Variants in ZNF83 observed in about 807,000 individuals in gnomAD.
ZNF83 encodes the protein zinc finger protein 83, also known as zinc finger protein 816B.
For synonymous variants in ZNF83, 209 were observed against 213.0 expected (o/e 0.98, Z 0.17); for missense variants, 552 against 629.9 (o/e 0.88, Z 1.32).
At chr19:52,682,601 G>A (rs1211835608) in intron 1 of ZNF83, among the ~76,000 whole-genome samples, 1 of 151,752 alleles carries the variant, frequency 6.6e-6, no homozygotes, top group East Asian at 1.9e-4. Flanking sequence ...CCAGGAGTCA[G>A]AGGTTGCACT....
At chr19:52,638,278 G>A (rs1055984117) in intron 1 of ZNF83, 34 bp downstream of exon 1, 3 of 151,160 alleles carry the variant, frequency 2.0e-5, no homozygotes, top group Non-Finnish European at 3.0e-5. Context: ...CGGGGACCTG[G>A]TAAGCGCAGA....
At chr19:52,631,779 C>G (rs57773164) in intron 2 of ZNF83, among the ~76,000 whole-genome samples, 4,254 of 150,880 alleles carry the variant, frequency 0.028, 71 homozygotes, top group African/African-American at 0.055. Context: ...CAGGCCTAAT[C>G]GCCACACACC....
chr19:52,623,307 C>A (rs1178452571), intron 2 of ZNF83, among the ~76,000 whole-genome samples: 1 of 152,114 alleles, frequency 6.6e-6, no homozygotes, highest in African/African-American at 2.4e-5. Context: ...GTAAGTCCAT[C>A]CCCTGTTTAA....
chr19:52,645,458 C>T (rs1349721252), intron 3 of ZNF83, among the ~76,000 whole-genome samples: 1 of 152,024 alleles, frequency 6.6e-6, no homozygotes, highest in African/African-American at 2.4e-5. Flanking sequence ...TTATAGGATG[C>T]AACAAAGGCA....
intron 1 of ZNF83, among the ~76,000 whole-genome samples, chr19:52,687,352 G>T (rs190503471): frequency 0.014 from 1,375 of 100,638 alleles, 152 homozygotes; most frequent in African/African-American, 0.064. Flanking sequence ...AATTTATATA[G>T]CTATATAAAT....
intron 1 of ZNF83, among the ~76,000 whole-genome samples, chr19:52,679,381 TG>T (rs1421118054): frequency 1.3e-5 from 2 of 151,998 alleles, no homozygotes; most frequent in Non-Finnish European, 2.9e-5. Flanking sequence ...GAAGCCAAGG[TG>T]GGTGGGTCAC....
intron 1 of ZNF83, among the ~76,000 whole-genome samples, chr19:52,672,188 C>G (rs1178918592): frequency 6.6e-6 from 1 of 152,100 alleles, no homozygotes; most frequent in Non-Finnish European, 1.5e-5. Flanking sequence ...GAGCAAAGAT[C>G]TCACCACAGC....
intron 1 of ZNF83, among the ~76,000 whole-genome samples, chr19:52,686,455 A>G (rs1748777357): frequency 1.5e-5 from 1 of 64,870 alleles, no homozygotes; most frequent in Admixed American, 1.2e-4. Flanking sequence ...CTGCAAAAAA[A>G]TTACATATAT....
At chr19:52,654,069 T>C in intron 3 of ZNF83, 2 of 1,595,570 alleles carry the variant, frequency 1.3e-6, no homozygotes, top group South Asian at 2.2e-5. Flanking sequence ...GATTATCAAT[T>C]TTCCCTTCAG....
intron 1 of ZNF83, among the ~76,000 whole-genome samples, chr19:52,673,148 G>A (rs1232609181): frequency 1.3e-5 from 2 of 152,162 alleles, no homozygotes; most frequent in Non-Finnish European, 2.9e-5. Flanking sequence ...AGCAGAGGTT[G>A]CAGTGAGTGG....
chr19:52,640,489 C>G (rs2061287272), upstream of ZNF83, among the ~76,000 whole-genome samples: 1 of 152,308 alleles, frequency 6.6e-6, no homozygotes, highest in Non-Finnish European at 1.5e-5. Context: ...GAGGTCTTAT[C>G]TCTGGGGCTG....
rs2060230968 is a variant in ZNF83, at chr19:52,614,332, G to T, written c.233C>A (p.Ser78Ter). Residue 78 changes from serine (S) to a stop codon, truncating the protein, a stop_gained, in exon 3 of 3, where the codon TCA becomes TAA. Coordinates refer to ENST00000301096, the Ensembl canonical transcript of ZNF83. LOFTEE classifies it low-confidence loss of function (END_TRUNC). ...TGCTTTCTCTTTTTGTGTGAATAAT[G>T]AATCCACAAAATTACATTCATATGT... is the stretch of plus-strand genomic sequence containing the variant. 6.2e-7 allele frequency: 1 copy of T among 1,613,106 alleles called. No homozygotes were observed. The highest frequency in any genetic ancestry group is 2.2e-5 in the East Asian group (1 of 44,852).
At chr19:52,677,319 A>G (rs1357543142) in intron 1 of ZNF83, among the ~76,000 whole-genome samples, 1 of 147,700 alleles carries the variant, frequency 6.8e-6, no homozygotes, top group Non-Finnish European at 1.5e-5. Flanking sequence ...AAAAAAAAAA[A>G]AAAAAAAAAA....
At chr19:52,690,200 AAC>A (rs1242809549) in intron 1 of ZNF83, among the ~76,000 whole-genome samples, 9 of 146,738 alleles carry the variant, frequency 6.1e-5, no homozygotes, top group African/African-American at 2.4e-4. Context: ...AAAAAAAAAC[AAC>A]AACAACTACG....
intron 1 of ZNF83, among the ~76,000 whole-genome samples, chr19:52,685,164 C>G (rs976514732): frequency 1.3e-5 from 2 of 152,216 alleles, no homozygotes; most frequent in Non-Finnish European, 2.9e-5. Flanking sequence ...CAGACACCCA[C>G]TCTATTTTGC....
At chr19:52,689,817 C>A (rs1278896100) in intron 1 of ZNF83, among the ~76,000 whole-genome samples, 1 of 152,142 alleles carries the variant, frequency 6.6e-6, no homozygotes, top group Non-Finnish European at 1.5e-5. Context: ...ACGCCTGCAT[C>A]CCGGAGGAGC....
At chr19:52,665,400 G>A (rs887133666) in intron 1 of ZNF83, among the ~76,000 whole-genome samples, 1 of 150,302 alleles carries the variant, frequency 6.7e-6, no homozygotes. Context: ...TCCCTCCTCC[G>A]TCTCAATAAG....
chr19:52,649,096 C>T (rs2061410817), intron 3 of ZNF83, among the ~76,000 whole-genome samples: 1 of 152,212 alleles, frequency 6.6e-6, no homozygotes, highest in Non-Finnish European at 1.5e-5. Context: ...TGAAGGCCCA[C>T]ACACGGTTGT....
chr19:52,622,747 T>C (rs922806321), intron 2 of ZNF83, among the ~76,000 whole-genome samples: 1 of 152,074 alleles, frequency 6.6e-6, no homozygotes, highest in African/African-American at 2.4e-5. Flanking sequence ...ATTCTCAATA[T>C]GCATTTTATC....
Sources: gnomAD v4.1 joint callset for allele counts (sites outside exome capture counted in the v4.1 genomes callset) on GRCh38, gnomAD v4.1.1 for gene constraint, MANE v1.5 for transcripts, NCBI Gene and HGNC (gene_info 2026-07-23, HGNC 2026-07-21) for gene names.